The following POLK variants were observed in gnomAD, a reference collection of about 807,000 sequenced individuals.
POLK encodes the protein polymerase (DNA directed) kappa.
A neutral mutation model predicts 94.0 loss-of-function variants in POLK; 76 were observed. The observed-to-expected ratio is 0.81, with a 90% CI of 0.67 to 0.98. POLK has a LOEUF of 0.98. Among genes scored for constraint, POLK ranks in the 50% least tolerant of loss-of-function variants. The pLI, the probability that POLK is intolerant of heterozygous loss-of-function variation, is 0.00. For missense variants in POLK, 954 were observed against 1,010.1 expected, an observed-to-expected ratio of 0.94 and a Z score of 0.75; for synonymous variants, 349 against 325.4, an observed-to-expected ratio of 1.07 and a Z score of -0.78.
chr5:75,595,415 G>A (rs771923566), intron 12 of POLK, among the ~76,000 whole-genome samples: 2 of 151,966 alleles, frequency 1.3e-5, no homozygotes, highest in African/African-American at 2.4e-5. Context: ...GAAAATAAAT[G>A]AATTATCAAT....
intron 11 of POLK, among the ~76,000 whole-genome samples, chr5:75,592,189 CAT>C (rs1401421153): frequency 6.6e-6 from 1 of 152,204 alleles, no homozygotes; most frequent in Non-Finnish European, 1.5e-5. Flanking sequence ...ACCCTGCACT[CAT>C]AAAACACTAA....
chr5:75,602,615 A>G (rs1773319005), downstream of POLK, among the ~76,000 whole-genome samples: 1 of 152,224 alleles, frequency 6.6e-6, no homozygotes, highest in African/African-American at 2.4e-5. Context: ...CACTTGAATA[A>G]TGCAGAGACA....
chr5:75,596,025 A>C (rs897405990), intron 12 of POLK, among the ~76,000 whole-genome samples, 197 bp from the exon 13 acceptor site: 1 of 152,254 alleles, frequency 6.6e-6, no homozygotes, highest in Non-Finnish European at 1.5e-5. Flanking sequence ...TACTAACTCC[A>C]AATAGTTAAT....
intron 7 of POLK, 25 bp from the exon 8 acceptor site, chr5:75,583,268 G>A (rs1375082337): frequency 1.9e-6 from 3 of 1,539,286 alleles, no homozygotes; most frequent in Non-Finnish European, 2.6e-6. Flanking sequence ...ACTTCTTTGA[G>A]TCATCAGAGT....
chr5:75,603,037 T>C (rs1243332578), downstream of POLK, among the ~76,000 whole-genome samples: 2 of 152,198 alleles, frequency 1.3e-5, no homozygotes, highest in African/African-American at 2.4e-5. Context: ...GAAGGAACTT[T>C]GTGCTAAGAA....
At chr5:75,581,573 A>G (rs1481693880) in intron 7 of POLK, 125 bp downstream of exon 7, 1 of 772,038 alleles carries the variant, frequency 1.3e-6, no homozygotes, top group Non-Finnish European at 2.1e-6. Context: ...TCTTTCATTC[A>G]ACTTCTAACA....
At chr5:75,598,509 A>G (rs563099596) in exon 15 of POLK, 1 of 152,692 alleles carries the variant, frequency 6.5e-6, no homozygotes, top group South Asian at 2.1e-4. Context: ...TTTCTTCAGG[A>G]AAATAAATAT....
chr5:75,589,388 TACACACACACACACACACAC>T (rs71600465), intron 10 of POLK, among the ~76,000 whole-genome samples: 96 of 128,318 alleles, frequency 7.5e-4, no homozygotes, highest in African/African-American at 2.7e-3. Flanking sequence ...TATACACACA[TACACACACACACACACACAC>T]ACACACACAC....
chr5:75,567,614 A>C (rs1004887170), intron 3 of POLK, among the ~76,000 whole-genome samples: 2 of 152,192 alleles, frequency 1.3e-5, no homozygotes, highest in African/African-American at 4.8e-5. Flanking sequence ...CTTGTGAGAA[A>C]ATAATTTGAA....
intron 1 of POLK, among the ~76,000 whole-genome samples, chr5:75,524,953 A>G (rs1768764728): frequency 6.6e-6 from 1 of 152,234 alleles, no homozygotes; most frequent in Non-Finnish European, 1.5e-5. Flanking sequence ...CCCACGGCAA[A>G]TTGAGAGCAA....
downstream of POLK, among the ~76,000 whole-genome samples, chr5:75,605,469 T>A (rs1773400767): frequency 6.6e-6 from 1 of 152,190 alleles, no homozygotes; most frequent in Non-Finnish European, 1.5e-5. Context: ...AATCTAGTTC[T>A]CTTTTATGAA....
intron 3 of POLK, among the ~76,000 whole-genome samples, chr5:75,553,620 A>AC (rs1055291672): frequency 6.6e-6 from 1 of 151,998 alleles, no homozygotes; most frequent in African/African-American, 2.4e-5. Context: ...ACCATATCCC[A>AC]CCTTGGTTTC....
chr5:75,524,190 G>A (rs982280961), intron 1 of POLK, among the ~76,000 whole-genome samples: 1 of 152,046 alleles, frequency 6.6e-6, no homozygotes, highest in Non-Finnish European at 1.5e-5. Flanking sequence ...AGAGGAAGCA[G>A]GAGTAGGAGG....
exon 13 of POLK, chr5:75,596,616 A>G: frequency 6.2e-7 from 1 of 1,614,080 alleles, no homozygotes. Flanking sequence ...CCTTGAATAA[A>G]CATGTAGATG....
chr5:75,518,285 A>C (rs1768410649), intron 1 of POLK, among the ~76,000 whole-genome samples: 1 of 152,116 alleles, frequency 6.6e-6, no homozygotes, highest in Non-Finnish European at 1.5e-5. Context: ...TCTTTGATGA[A>C]AGACTTTTTA....
chr5:75,522,457 TA>T, intron 1 of POLK, among the ~76,000 whole-genome samples: 1 of 152,220 alleles, frequency 6.6e-6, no homozygotes, highest in South Asian at 2.1e-4. Context: ...TACTTCTACT[TA>T]CTATTTTGGA....
chr5:75,552,331 CA>C, intron 2 of POLK, 140 bp from the exon 3 acceptor site: 1 of 639,122 alleles, frequency 1.6e-6, no homozygotes, highest in African/African-American at 1.9e-5. Flanking sequence ...ATTTTAGGGT[CA>C]CCTAGCTAGT....
chr5:75,543,010 C>CTTA (rs372386607), intron 1 of POLK, among the ~76,000 whole-genome samples: 1 of 130,384 alleles, frequency 7.7e-6, no homozygotes, highest in Non-Finnish European at 1.6e-5. Context: ...CGCGCCCAGC[C>CTTA]TTATTTATTT....
At position 75,563,152 on chromosome 5, in the gene POLK, G is replaced by C. The variant is rs554200676; in HGVS notation, c.256-6188G>C. 2.0e-5 allele frequency among the ~76,000 whole-genome samples: 3 copies of C among 152,152 alleles called. No homozygotes were observed. The South Asian group carries it at 6.2e-4, about 32-fold the overall frequency. On this transcript the variant is annotated intron_variant, in intron 3 of 14. Transcript: ENST00000241436. ...AATTGTTGTGTTTTTAGTAGAGGTG[G>C]GGTTTCTCCATGTTGGTCAGGCTGG...
Sources: gnomAD v4.1 joint callset for allele counts (sites outside exome capture counted in the v4.1 genomes callset) on GRCh38, gnomAD v4.1.1 for gene constraint, MANE v1.5 for transcripts, NCBI Gene and HGNC (gene_info 2026-07-23, HGNC 2026-07-21) for gene names.